The following C8orf88 variants were observed in gnomAD, a reference collection of about 807,000 sequenced individuals.
C8orf88 encodes the protein uncharacterized protein C8orf88.
Under a neutral mutation model 18.4 loss-of-function variants are expected in C8orf88, and 14 were observed. The observed-to-expected ratio is 0.76, with a 90% CI of 0.50 to 1.19. C8orf88 has a LOEUF of 1.19. Ranked by LOEUF, C8orf88 falls within the 50% of genes most tolerant of loss-of-function variation. The probability of loss-of-function intolerance (pLI) is 0.00; values close to 1 mark genes in which losing one functional copy is unlikely to be tolerated. For missense variants in C8orf88, 116 were observed against 134.7 expected (o/e 0.86, Z 0.69); for synonymous variants, 45 against 42.9 (o/e 1.05, Z -0.19).
chr8:90,959,763 G>T (rs961783611), intron 5 of C8orf88, among the ~76,000 whole-genome samples: 1 of 151,148 alleles, frequency 6.6e-6, no homozygotes, highest in Non-Finnish European at 1.5e-5. Context: ...TCTCCCATTC[G>T]AACTGTTCTC....
At chr8:90,964,246 G>C (rs952490960) in intron 4 of C8orf88, among the ~76,000 whole-genome samples, 8 of 151,658 alleles carry the variant, frequency 5.3e-5, no homozygotes, top group African/African-American at 1.9e-4. Flanking sequence ...TAATCAATCT[G>C]TCAATGAAAA....
At chr8:90,973,457 A>G (rs976984656) in intron 3 of C8orf88, among the ~76,000 whole-genome samples, 1 of 152,008 alleles carries the variant, frequency 6.6e-6, no homozygotes, top group Admixed American at 6.6e-5. Context: ...CAATTCCCCA[A>G]TATGCATGCC....
intron 3 of C8orf88, among the ~76,000 whole-genome samples, chr8:90,975,793 G>A (rs1353993759): frequency 6.6e-6 from 1 of 151,900 alleles, no homozygotes; most frequent in African/African-American, 2.4e-5. Context: ...GGTAGTATGT[G>A]TATTTCCACA....
At chr8:90,973,096 G>A (rs1322965371) in intron 3 of C8orf88, among the ~76,000 whole-genome samples, 2 of 151,906 alleles carry the variant, frequency 1.3e-5, no homozygotes, top group Non-Finnish European at 2.9e-5. Flanking sequence ...AAACTAAAAG[G>A]CAGAAAAATA....
chr8:90,962,523 T>C (rs1811142442), intron 4 of C8orf88, among the ~76,000 whole-genome samples: 1 of 151,464 alleles, frequency 6.6e-6, no homozygotes, highest in Admixed American at 6.6e-5. Context: ...AGGGGAATAC[T>C]TAGTGAAGAA....
At chr8:90,965,853 T>C (rs901446845) in intron 4 of C8orf88, among the ~76,000 whole-genome samples, 2 of 151,830 alleles carry the variant, frequency 1.3e-5, no homozygotes, top group South Asian at 4.2e-4. Flanking sequence ...TCACAACATA[T>C]CAAAATTTAT....
chr8:90,968,478 T>C (rs1811235547), intron 4 of C8orf88, among the ~76,000 whole-genome samples: 1 of 151,006 alleles, frequency 6.6e-6, no homozygotes. Context: ...ATAAAACTCT[T>C]AGAAGGAAAC....
Position 90,962,863 on chromosome 8 carries a change from C to T in C8orf88, c.224-2015G>A, listed in dbSNP as rs112631169. Among the ~76,000 whole-genome samples, 481 of 151,436 alleles carry T rather than the reference C, an allele frequency of 3.2e-3. 5 individuals are homozygous for T. Among genetic ancestry groups the T allele is most frequent in the African/African-American group, 0.011 (465 of 41,362 alleles). On this transcript the variant is annotated intron_variant, in intron 4 of 5. Coordinates refer to ENST00000517562, the MANE Select transcript of C8orf88 (RefSeq NM_001190972.2). ...TGCTTCCACCTGAGACAAGGGATAA[C>T]AATTGGAGCAAACATTAGGCATACC...
chr8:90,985,034 G>C (rs1057395091), intron 1 of C8orf88, 80 bp downstream of exon 1: 3 of 150,694 alleles, frequency 2.0e-5, no homozygotes, highest in Admixed American at 2.0e-4. Context: ...GGGCCTGGGA[G>C]ACGGCGCCCA....
At chr8:90,970,342 G>A (rs531211359) in intron 4 of C8orf88, among the ~76,000 whole-genome samples, 2 of 151,998 alleles carry the variant, frequency 1.3e-5, no homozygotes, top group African/African-American at 4.8e-5. Flanking sequence ...TTAGAAATAT[G>A]AGGATAAATA....
At chr8:90,972,307 A>G (rs1345691704) in intron 3 of C8orf88, among the ~76,000 whole-genome samples, 3 of 152,076 alleles carry the variant, frequency 2.0e-5, no homozygotes, top group Non-Finnish European at 4.4e-5. Context: ...AAGTTTTAGT[A>G]GAGCTTTTTA....
intron 2 of C8orf88, among the ~76,000 whole-genome samples, chr8:90,979,291 G>C (rs765651431): frequency 7.2e-5 from 11 of 152,150 alleles, no homozygotes; most frequent in Non-Finnish European, 1.3e-4. Context: ...AGAGATGAAG[G>C]GGGGTGGGAG....
intron 5 of C8orf88, chr8:90,959,251 C>A: frequency 3.6e-6 from 1 of 274,612 alleles, no homozygotes; most frequent in Non-Finnish European, 6.8e-6. Context: ...GTATTCCAAA[C>A]CTGTTCTTCT....
Position 90,976,536 on chromosome 8 carries a change from A to G in C8orf88, c.147+2043T>C, listed in dbSNP as rs2244488. On this transcript the variant is annotated intron_variant, in intron 3 of 5. Transcript: ENST00000517562. ...AAGGAAATGTTAGCTGCTAGAACAA[A>G]TACAACATTTCTATGACTTATAGAA... Among the ~76,000 whole-genome samples, 83 of 152,232 alleles carry G rather than the reference A, an allele frequency of 5.5e-4. 1 individual carries two copies. The East Asian group carries it at 0.014, about 26-fold the overall frequency.
At chr8:90,983,950 A>C (rs1451523621) in intron 1 of C8orf88, among the ~76,000 whole-genome samples, 1 of 152,188 alleles carries the variant, frequency 6.6e-6, no homozygotes, top group Non-Finnish European at 1.5e-5. Flanking sequence ...ATGCAGAATA[A>C]ATTGGTATAT....
intron 4 of C8orf88, among the ~76,000 whole-genome samples, chr8:90,970,490 CT>C (rs1253200043): frequency 6.6e-6 from 1 of 151,866 alleles, no homozygotes; most frequent in Non-Finnish European, 1.5e-5. Flanking sequence ...TGGTTCTCCC[CT>C]AGAGCAGTTT....
At chr8:90,970,673 C>T (rs1320081376) in intron 4 of C8orf88, among the ~76,000 whole-genome samples, 1 of 152,028 alleles carries the variant, frequency 6.6e-6, no homozygotes, top group African/African-American at 2.4e-5. Context: ...CCCTTTCCTC[C>T]TTCCTAATGG....
intron 3 of C8orf88, among the ~76,000 whole-genome samples, chr8:90,971,890 G>A (rs976467808): frequency 6.6e-6 from 1 of 151,904 alleles, no homozygotes; most frequent in African/African-American, 2.4e-5. Flanking sequence ...GTACCAATAA[G>A]AGGAACCCAG....
intron 4 of C8orf88, among the ~76,000 whole-genome samples, chr8:90,968,642 A>G (rs1488811670): frequency 7.3e-6 from 1 of 137,406 alleles, no homozygotes; most frequent in East Asian, 2.0e-4. Context: ...TCTCCAGTAG[A>G]GAATGAAAAG....
Sources: allele counts gnomAD v4.1 joint callset (sites outside exome capture counted in the v4.1 genomes callset), GRCh38; gene constraint gnomAD v4.1.1; transcripts MANE v1.5; gene names NCBI Gene and HGNC (gene_info 2026-07-23, HGNC 2026-07-21).